The following HUNK variants were observed in gnomAD, a reference collection of about 807,000 sequenced individuals.
HUNK encodes hormonally up-regulated neu tumor-associated kinase.
In HUNK, 21 loss-of-function variants were observed where a neutral mutation model predicts 61.0. The ratio of observed to expected loss-of-function variants is 0.34; its 90% CI spans 0.24 to 0.50. HUNK has a LOEUF of 0.50. Among genes scored for constraint, HUNK ranks in the 20% least tolerant of loss-of-function variants. The pLI, the probability that HUNK is intolerant of heterozygous loss-of-function variation, is 0.98. For missense variants in HUNK, 772 were observed against 945.7 expected, an observed-to-expected ratio of 0.82 and a Z score of 2.41; for synonymous variants, 371 against 386.1, an observed-to-expected ratio of 0.96 and a Z score of 0.46.
In HUNK at chr21:31,924,865, G is replaced by T; in HGVS notation, c.554+105G>T. 1 of 850,476 alleles carries T rather than the reference G, an allele frequency of 1.2e-6. No homozygotes were observed. 52.7% of individuals were successfully genotyped at this position (850,476 alleles called of 1,614,324 possible). On this transcript the variant is annotated intron_variant, in intron 2 of 10. Coordinates refer to ENST00000270112, the MANE Select transcript of HUNK (RefSeq NM_014586.2). The surrounding 1 kb of genome is among the most constrained non-coding windows in gnomAD (Gnocchi z 5.1). ...GAGAAAGGCTGAGCAATTGCAGCCT[G>T]TTTTACAATTTGTCTATATTTTAAT... is the stretch of plus-strand genomic sequence containing the variant.
chr21:31,953,738 T>C (rs1401074504), intron 4 of HUNK, among the ~76,000 whole-genome samples: 1 of 152,168 alleles, frequency 6.6e-6, no homozygotes. Flanking sequence ...ATCCACATCT[T>C]ATGGATGAGA....
chr21:31,896,310 C>T (rs1333283885), intron 1 of HUNK, among the ~76,000 whole-genome samples: 1 of 152,156 alleles, frequency 6.6e-6, no homozygotes, highest in Admixed American at 6.5e-5. Context: ...GGAATCATGC[C>T]GGGAAACTTC....
At chr21:31,905,194 C>T (rs1388975406) in intron 1 of HUNK, among the ~76,000 whole-genome samples, 5 of 152,006 alleles carry the variant, frequency 3.3e-5, no homozygotes, top group South Asian at 2.1e-4. Flanking sequence ...TAGGGAAGAC[C>T]GCATGAAGAC....
At chr21:31,936,044 G>A (rs1292288529) in intron 2 of HUNK, among the ~76,000 whole-genome samples, 6 of 152,178 alleles carry the variant, frequency 3.9e-5, no homozygotes, top group Non-Finnish European at 2.9e-5. Context: ...TGATCAACCC[G>A]CCTCAGCTTC....
At chr21:31,911,276 T>C (rs543117337) in intron 1 of HUNK, among the ~76,000 whole-genome samples, 1 of 152,358 alleles carries the variant, frequency 6.6e-6, no homozygotes, top group East Asian at 1.9e-4. Context: ...CACTCAGTTC[T>C]GTGGGACTTC....
At chr21:31,906,384 CAG>C (rs1318599337) in intron 1 of HUNK, among the ~76,000 whole-genome samples, 1 of 152,136 alleles carries the variant, frequency 6.6e-6, no homozygotes, top group East Asian at 1.9e-4. Context: ...GATGAGAAAA[CAG>C]AGCATTTCTT....
chr21:31,909,071 C>A (rs1371085413), intron 1 of HUNK, among the ~76,000 whole-genome samples: 1 of 152,126 alleles, frequency 6.6e-6, no homozygotes, highest in African/African-American at 2.4e-5. Flanking sequence ...GTTTTGTGCA[C>A]TGTAAGTGGG....
intron 5 of HUNK, among the ~76,000 whole-genome samples, chr21:31,962,560 G>T (rs2052936135): frequency 6.6e-6 from 1 of 152,190 alleles, no homozygotes; most frequent in Non-Finnish European, 1.5e-5. Flanking sequence ...GTCCAACCTC[G>T]CATAGCTCCT....
intron 3 of HUNK, among the ~76,000 whole-genome samples, chr21:31,942,608 G>GTTA (rs988146690): frequency 3.1e-4 from 47 of 152,128 alleles, no homozygotes; most frequent in Non-Finnish European, 1.5e-4. Flanking sequence ...CTTGCTGCAT[G>GTTA]TTATGGTCAC....
intron 1 of HUNK, among the ~76,000 whole-genome samples, chr21:31,889,398 G>A (rs2052371011): frequency 6.6e-6 from 1 of 152,142 alleles, no homozygotes; most frequent in South Asian, 2.1e-4. Context: ...GAAACCAAAT[G>A]GATAAAGATA....
At chr21:31,881,840 A>G (rs992296726) in intron 1 of HUNK, among the ~76,000 whole-genome samples, 2 of 152,172 alleles carry the variant, frequency 1.3e-5, no homozygotes, top group South Asian at 4.1e-4. Flanking sequence ...TCTCATTAGC[A>G]GATTCTATGT....
At chr21:31,927,873 C>T (rs2052671666) in intron 2 of HUNK, among the ~76,000 whole-genome samples, 1 of 152,284 alleles carries the variant, frequency 6.6e-6, no homozygotes, top group Admixed American at 6.5e-5. Context: ...TTCCGCCTCA[C>T]CAAGGTGAGA....
intron 1 of HUNK, among the ~76,000 whole-genome samples, chr21:31,917,471 C>T (rs61419610): frequency 0.069 from 10,572 of 152,206 alleles, 450 homozygotes; most frequent in South Asian, 0.17. Context: ...GTGCTCTTCT[C>T]TTTCTACTAA....
chr21:31,926,995 T>TTC (rs139830342), intron 2 of HUNK, among the ~76,000 whole-genome samples: 2 of 151,236 alleles, frequency 1.3e-5, no homozygotes, highest in East Asian at 1.9e-4. Flanking sequence ...CTTTCTTTCT[T>TTC]TCTCTCTCTC....
At chr21:31,963,833 C>A (rs1568936105) in intron 5 of HUNK, among the ~76,000 whole-genome samples, 1 of 152,172 alleles carries the variant, frequency 6.6e-6, no homozygotes, top group East Asian at 1.9e-4. Flanking sequence ...TCTATTAATT[C>A]TTCGGCTCTT....
At chr21:31,881,635 GCAACAA>G (rs767186093) in intron 1 of HUNK, among the ~76,000 whole-genome samples, 5 of 151,834 alleles carry the variant, frequency 3.3e-5, no homozygotes, top group African/African-American at 9.7e-5. Context: ...AACAGCAGCA[GCAACAA>G]CAACAACAAC....
At chr21:31,982,279 C>G (rs535239640) in intron 7 of HUNK, among the ~76,000 whole-genome samples, 2 of 152,176 alleles carry the variant, frequency 1.3e-5, no homozygotes, top group African/African-American at 4.8e-5. Context: ...AATCATAGGG[C>G]ATACCTAGTC....
At chr21:31,997,373 T>C (rs2053213087) in intron 10 of HUNK, among the ~76,000 whole-genome samples, 1 of 152,120 alleles carries the variant, frequency 6.6e-6, no homozygotes, top group African/African-American at 2.4e-5. Context: ...TTGGATGAGG[T>C]TCCATCCAGA....
chr21:32,001,166 C>A lies in HUNK; in HGVS notation c.*1982C>A, dbSNP rs1030445430. The A allele has an allele frequency of 4.6e-5, 7 of 152,668 alleles. No individual in the cohort carries two copies. Among genetic ancestry groups the A allele is most frequent in the Non-Finnish European group, 8.7e-5 (6 of 68,662 alleles). The allele number at this position is 152,668 out of a possible 1,614,324, so 9.5% of individuals were successfully genotyped here. On this transcript the variant is annotated 3_prime_UTR_variant, in exon 11 of 11. Coordinates refer to ENST00000270112, the MANE Select transcript of HUNK (RefSeq NM_014586.2). ...TGGTACGTGCCTGTAGTCCCAGCTACTTCGGGGACTGAGGTGGGAGGATCA... is the reference window on the plus strand; with the variant it reads ...TGGTACGTGCCTGTAGTCCCAGCTAATTCGGGGACTGAGGTGGGAGGATCA...
Sources: gnomAD v4.1 joint callset for allele counts (sites outside exome capture counted in the v4.1 genomes callset) on GRCh38, gnomAD v4.1.1 for gene constraint, Gnocchi (gnomAD v3.1) non-coding constraint, MANE v1.5 for transcripts, NCBI Gene and HGNC (gene_info 2026-07-23, HGNC 2026-07-21) for gene names.